The following PAICS variants were observed in gnomAD, a reference collection of about 807,000 sequenced individuals.
PAICS encodes the protein bifunctional phosphoribosylaminoimidazole carboxylase/phosphoribosylaminoimidazole succinocarboxamide synthetase.
In PAICS, 33 loss-of-function variants were observed where a neutral mutation model predicts 53.7. The ratio of observed to expected loss-of-function variants is 0.61; its 90% CI spans 0.47 to 0.82. The LOEUF (loss-of-function observed/expected upper bound fraction) is 0.82. Ranked by LOEUF, PAICS falls within the 40% of genes least tolerant of loss-of-function variation. The probability of loss-of-function intolerance (pLI) is 0.00; values close to 1 mark genes in which losing one functional copy is unlikely to be tolerated. For missense variants in PAICS, 394 were observed against 494.1 expected, an observed-to-expected ratio of 0.80 and a Z score of 1.92; for synonymous variants, 141 against 167.2, an observed-to-expected ratio of 0.84 and a Z score of 1.21.
chr4:56,420,574 T>C, the PAICS span: 1 of 152,142 alleles, frequency 6.6e-6, no homozygotes, highest in African/African-American at 2.4e-5. Flanking sequence ...AGTACAGTTA[T>C]ACAAAAAGGA....
chr4:56,457,970 A>T (rs1331032170), intron 8 of PAICS, among the ~76,000 whole-genome samples: 7 of 152,168 alleles, frequency 4.6e-5, no homozygotes, highest in African/African-American at 1.7e-4. Flanking sequence ...TGCCTAAGCT[A>T]TCTTTAACAA....
chr4:56,438,054 A>G (rs905888166), intron 1 of PAICS, among the ~76,000 whole-genome samples: 1 of 152,002 alleles, frequency 6.6e-6, no homozygotes, highest in East Asian at 1.9e-4. Context: ...CTAAAAGGCA[A>G]AAGTGGCAAC....
chr4:56,429,268 C>A, the PAICS span, among the ~76,000 whole-genome samples: 2 of 152,050 alleles, frequency 1.3e-5, no homozygotes, highest in Non-Finnish European at 2.9e-5. Flanking sequence ...TGAAAACTTG[C>A]CCGGAGTTAG....
At chr4:56,420,388 G>A in the PAICS span, 1 of 152,124 alleles carries the variant, frequency 6.6e-6, no homozygotes, top group Non-Finnish European at 1.5e-5. Context: ...TTCAAATTTT[G>A]TAGCATTTCA....
chr4:56,435,985 C>A, upstream of PAICS: 1 of 1,525,262 alleles, frequency 6.6e-7, no homozygotes, highest in Non-Finnish European at 8.8e-7. Flanking sequence ...GGTATGCGAG[C>A]TTCCGCAGAG....
the PAICS span, chr4:56,416,406 T>C: frequency 1.1e-6 from 1 of 891,138 alleles, no homozygotes; most frequent in Non-Finnish European, 1.3e-6. Context: ...AATCCTTTAC[T>C]TCTGGTTTCT....
chr4:56,456,081 CCTT>C (rs1719180237), intron 8 of PAICS, among the ~76,000 whole-genome samples: 1 of 151,910 alleles, frequency 6.6e-6, no homozygotes. Flanking sequence ...ACATTCCAAC[CCTT>C]CTATTGAGTT....
rs1253408990 is a variant in PAICS at position 56,460,289 on chromosome 4, T to C, written c.*751T>C. ...TATTCATCTTCCAAGCCTGTAGCTC[T>C]TGGTATACTCACTGTTGCAAGTCAG... On this transcript the variant is annotated 3_prime_UTR_variant, in exon 9 of 9. Transcript: ENST00000512576. 6.6e-6 allele frequency: 1 copy of C among 152,242 alleles called. No individual in the cohort carries two copies. Among genetic ancestry groups the C allele is most frequent in the African/African-American group, 2.4e-5 (1 of 41,476 alleles). 9.4% of individuals were successfully genotyped at this position (152,242 alleles called of 1,614,324 possible). A position where few individuals can be genotyped will look rare whatever the true frequency, so the allele number is the denominator to read the frequency against.
intron 1 of PAICS, chr4:56,436,651 C>T (rs1717989726): frequency 3.2e-6 from 2 of 615,716 alleles, no homozygotes; most frequent in South Asian, 1.5e-5. Flanking sequence ...TTGCTTTGCC[C>T]GTTAGGTTAA....
chr4:56,456,860 T>TA (rs1458358951), intron 8 of PAICS, among the ~76,000 whole-genome samples: 1 of 152,174 alleles, frequency 6.6e-6, no homozygotes, highest in Admixed American at 6.5e-5. Flanking sequence ...TGCATATAGT[T>TA]ACTTTCTTCA....
chr4:56,419,033 C>T, the PAICS span, among the ~76,000 whole-genome samples: 1 of 152,202 alleles, frequency 6.6e-6, no homozygotes, highest in Non-Finnish European at 1.5e-5. Flanking sequence ...TCTTCCAAGC[C>T]CTCAGCTCAT....
At chr4:56,426,821 A>G in the PAICS span, among the ~76,000 whole-genome samples, 1 of 152,152 alleles carries the variant, frequency 6.6e-6, no homozygotes, top group Non-Finnish European at 1.5e-5. Context: ...TTGTTGTGCA[A>G]ACATCACCAC....
At chr4:56,446,975 T>C (rs1409541706) in intron 3 of PAICS, 102 bp downstream of exon 3, 20 of 690,402 alleles carry the variant, frequency 2.9e-5, no homozygotes, top group Non-Finnish European at 4.3e-5. Context: ...GTTTTTGATA[T>C]TTTGATATTG....
At chr4:56,456,910 G>A (rs1292961121) in intron 8 of PAICS, among the ~76,000 whole-genome samples, 1 of 151,922 alleles carries the variant, frequency 6.6e-6, no homozygotes, top group African/African-American at 2.4e-5. Context: ...TTTTAAGAGT[G>A]GAATACTATA....
intron 7 of PAICS, 141 bp from the exon 8 acceptor site, chr4:56,453,462 C>A: frequency 2.0e-6 from 1 of 507,932 alleles, no homozygotes; most frequent in Non-Finnish European, 3.5e-6. Flanking sequence ...ATAATAGTAT[C>A]TTTTATGTTT....
intron 1 of PAICS, 166 bp downstream of exon 1, chr4:56,436,494 T>G (rs1261606839): frequency 4.2e-6 from 3 of 721,072 alleles, no homozygotes; most frequent in East Asian, 2.7e-5. Context: ...TCCCCGAACT[T>G]TACTGCCTCG....
Position 56,462,575 on chromosome 4 carries a change from C to A in PAICS, c.*3037C>A, listed in dbSNP as rs1412869815. 1 of 152,104 alleles carries A rather than the reference C, an allele frequency of 6.6e-6. No individual in the cohort carries two copies. The highest frequency in any genetic ancestry group is 1.5e-5 in the Non-Finnish European group (1 of 68,028). The allele number at this position is 152,104 out of a possible 1,614,324, so 9.4% of individuals were successfully genotyped here. A position where few individuals can be genotyped will look rare whatever the true frequency, so the allele number is the denominator to read the frequency against. ...CATGAAATGAAAATGCGACTAATAC[C>A]ACCTCATAAAGTTGTGAGAATTACA... On this transcript the variant is annotated 3_prime_UTR_variant, in exon 9 of 9. Coordinates refer to ENST00000512576, the MANE Select transcript of PAICS (RefSeq NM_001079524.2).
At chr4:56,436,468 C>T in intron 1 of PAICS, 140 bp downstream of exon 1, 1 of 760,782 alleles carries the variant, frequency 1.3e-6, no homozygotes. Context: ...ACACGTGGCC[C>T]AGGCGCTCCC....
chr4:56,439,172 C>T lies in PAICS; in HGVS notation c.17-2491C>T, dbSNP rs537142985. On this transcript the variant is annotated intron_variant, in intron 1 of 8. Coordinates refer to ENST00000512576, the MANE Select transcript of PAICS (RefSeq NM_001079524.2). ...AGGGGCATTAGATACAAACTTTGCC[C>T]GGGCTTACTGCATATTAATATATAT... Among the ~76,000 whole-genome samples, 17 of 152,248 alleles carry T rather than the reference C, an allele frequency of 1.1e-4. No individual in the cohort carries two copies. In the South Asian group the frequency reaches 3.5e-3, roughly 32 times the overall value.
Sources: gnomAD v4.1 joint callset for allele counts (sites outside exome capture counted in the v4.1 genomes callset) on GRCh38, gnomAD v4.1.1 for gene constraint, MANE v1.5 for transcripts, NCBI Gene and HGNC (gene_info 2026-07-23, HGNC 2026-07-21) for gene names.